Variants in SUCLG2 observed in about 807,000 individuals in gnomAD.
SUCLG2 encodes succinate--CoA ligase [GDP-forming] subunit beta, mitochondrial.
SUCLG2 carries 42 observed loss-of-function variants against 47.9 expected under a neutral mutation model. That is an observed-to-expected ratio of 0.88 (90% confidence interval 0.69 to 1.14). The LOEUF is 1.14. Among genes scored for constraint, SUCLG2 ranks in the 50% most tolerant of loss-of-function variants. The pLI is 0.00. For missense variants in SUCLG2, 571 were observed against 525.9 expected (o/e 1.09, Z -0.84); for synonymous variants, 195 against 197.3 (o/e 0.99, Z 0.10).
At chr3:67,609,371 A>G (rs1700487043) in intron 2 of SUCLG2, 84 bp downstream of exon 2, 1 of 1,443,600 alleles carries the variant, frequency 6.9e-7, no homozygotes. Context: ...AATCCACAAC[A>G]AAAAAAATTA....
chr3:67,575,580 T>C (rs1707722537), intron 2 of SUCLG2, among the ~76,000 whole-genome samples: 1 of 152,170 alleles, frequency 6.6e-6, no homozygotes, highest in African/African-American at 2.4e-5. Flanking sequence ...GGTGAAAATG[T>C]TCCAAAAGTA....
chr3:67,523,372 A>G (rs1463867646), intron 4 of SUCLG2, among the ~76,000 whole-genome samples: 1 of 152,196 alleles, frequency 6.6e-6, no homozygotes, highest in Non-Finnish European at 1.5e-5. Context: ...ACTGTTTCTC[A>G]GCACATGGTG....
chr3:67,550,901 G>A (rs915300632), intron 2 of SUCLG2, among the ~76,000 whole-genome samples: 1 of 152,056 alleles, frequency 6.6e-6, no homozygotes, highest in Non-Finnish European at 1.5e-5. Flanking sequence ...GTATTAAACG[G>A]GGGGTGGGGG....
At chr3:67,600,178 T>G (rs1028494571) in intron 2 of SUCLG2, among the ~76,000 whole-genome samples, 9 of 152,236 alleles carry the variant, frequency 5.9e-5, no homozygotes, top group African/African-American at 1.7e-4. Flanking sequence ...TATATATTCA[T>G]TATCAAGTTA....
intron 9 of SUCLG2, among the ~76,000 whole-genome samples, chr3:67,440,838 G>C (rs1242808298): frequency 1.3e-5 from 2 of 152,158 alleles, no homozygotes; most frequent in Non-Finnish European, 2.9e-5. Context: ...CAAGGATCTA[G>C]AACTAGAAAT....
chr3:67,390,735 C>T (rs140385222), intron 10 of SUCLG2, among the ~76,000 whole-genome samples: 445 of 151,898 alleles, frequency 2.9e-3, no homozygotes, highest in African/African-American at 0.01. Flanking sequence ...ACCCATGAAA[C>T]TGTTGAGAAA....
At chr3:67,416,145 C>T (rs1053537679) in intron 9 of SUCLG2, among the ~76,000 whole-genome samples, 18 of 152,176 alleles carry the variant, frequency 1.2e-4, no homozygotes, top group African/African-American at 4.3e-4. Context: ...TCATGAGAGA[C>T]CCTGAGGCAG....
At chr3:67,526,613 G>A (rs1706262214) in intron 4 of SUCLG2, among the ~76,000 whole-genome samples, 1 of 152,122 alleles carries the variant, frequency 6.6e-6, no homozygotes, top group African/African-American at 2.4e-5. Context: ...AACATCTTTA[G>A]CCATTAGGGA....
At chr3:67,499,079 C>T (rs1345595753) in intron 7 of SUCLG2, among the ~76,000 whole-genome samples, 1 of 152,182 alleles carries the variant, frequency 6.6e-6, no homozygotes, top group East Asian at 1.9e-4. Context: ...TGAGGGACAA[C>T]TGTGTATTTA....
chr3:67,453,066 G>A (rs926780971), intron 9 of SUCLG2, among the ~76,000 whole-genome samples: 2 of 151,836 alleles, frequency 1.3e-5, no homozygotes, highest in African/African-American at 2.4e-5. Context: ...TCTCTTTTGC[G>A]TGCCCAACAT....
intron 2 of SUCLG2, among the ~76,000 whole-genome samples, chr3:67,568,843 C>A (rs1033804450): frequency 6.6e-6 from 1 of 151,912 alleles, no homozygotes; most frequent in Non-Finnish European, 1.5e-5. Context: ...GCCGAGATCG[C>A]GCCACTGCAC....
At chr3:67,549,956 A>C (rs572450741) in intron 2 of SUCLG2, among the ~76,000 whole-genome samples, 14 of 152,210 alleles carry the variant, frequency 9.2e-5, no homozygotes, top group Non-Finnish European at 1.6e-4. Context: ...GTATTAGATT[A>C]AATCAGCTGC....
At chr3:67,365,848 CG>C (rs1454158633) in intron 10 of SUCLG2, among the ~76,000 whole-genome samples, 1 of 151,990 alleles carries the variant, frequency 6.6e-6, no homozygotes, top group Admixed American at 6.6e-5. Flanking sequence ...AAAACTATAA[CG>C]AAATATATTA....
Position 67,497,933 on chromosome 3 carries a change from A to G in SUCLG2, c.919+201T>C, listed in dbSNP as rs146028352. On this transcript the variant is annotated intron_variant, in intron 8 of 10. Coordinates refer to ENST00000307227, the MANE Select transcript of SUCLG2 (RefSeq NM_003848.4). ...TCCCACCCAAACTCCCAATAGTGCC[A>G]GAGTTGAGAAATTCTGCTTTACACC... 8.2e-3 allele frequency among the ~76,000 whole-genome samples: 1,243 copies of G among 152,284 alleles called. 20 individuals carry two copies. The highest frequency in any genetic ancestry group is 0.027 in the African/African-American group (1,141 of 41,556).
At chr3:67,466,975 T>A (rs1448272052) in intron 9 of SUCLG2, among the ~76,000 whole-genome samples, 3 of 152,222 alleles carry the variant, frequency 2.0e-5, no homozygotes, top group Admixed American at 2.0e-4. Flanking sequence ...GTATATTACA[T>A]CTAGTCCAAT....
rs151219894 is a variant in SUCLG2, at chr3:67,424,276, G to T, written c.1063-23425C>A. ...TGTGCCTGGGGAAGAGGAGAAAAAG[G>T]GGGGAATCTAAAGCCCAATTTACCA... On this transcript the variant is annotated intron_variant, in intron 9 of 10. Transcript: ENST00000307227. Among the ~76,000 whole-genome samples the T allele has an allele frequency of 7.9e-3, 1,198 of 152,256 alleles. 15 individuals carry two copies. Among genetic ancestry groups the T allele is most frequent in the African/African-American group, 0.027 (1,107 of 41,556 alleles).
chr3:67,421,930 T>C (rs1025575565), intron 9 of SUCLG2, among the ~76,000 whole-genome samples: 1 of 152,194 alleles, frequency 6.6e-6, no homozygotes, highest in Non-Finnish European at 1.5e-5. Flanking sequence ...AGCAGGATAT[T>C]TTGATGAGAA....
At chr3:67,468,967 A>G (rs759936436) in intron 9 of SUCLG2, among the ~76,000 whole-genome samples, 3 of 152,232 alleles carry the variant, frequency 2.0e-5, no homozygotes, top group Non-Finnish European at 4.4e-5. Context: ...GAGTGCGTAC[A>G]AGGCTCTCTG....
intron 10 of SUCLG2, among the ~76,000 whole-genome samples, chr3:67,383,582 C>G (rs930397717): frequency 6.6e-6 from 1 of 152,164 alleles, no homozygotes; most frequent in Non-Finnish European, 1.5e-5. Context: ...CGGACCATCA[C>G]AGCAGGAGCC....
Sources: gnomAD v4.1 joint callset for allele counts (sites outside exome capture counted in the v4.1 genomes callset) on GRCh38, gnomAD v4.1.1 for gene constraint, MANE v1.5 for transcripts, NCBI Gene and HGNC (gene_info 2026-07-23, HGNC 2026-07-21) for gene names.